TBC1D32: variants seen among roughly 807,000 people sequenced by gnomAD.
TBC1D32 encodes protein broad-minded.
In TBC1D32, 151 loss-of-function variants were observed where a neutral mutation model predicts 170.3. That is an observed-to-expected ratio of 0.89 (90% CI 0.78 to 1.01). TBC1D32 has a LOEUF of 1.01. Among genes scored for constraint, TBC1D32 ranks in the 50% least tolerant of loss-of-function variants. TBC1D32 has a pLI of 0.00. For missense variants in TBC1D32, 1,464 were observed against 1,457.1 expected (o/e 1.00, Z -0.08); for synonymous variants, 498 against 488.0 (o/e 1.02, Z -0.27).
intron 21 of TBC1D32, among the ~76,000 whole-genome samples, chr6:121,216,903 C>T (rs1188916072): frequency 1.3e-5 from 2 of 152,142 alleles, no homozygotes; most frequent in African/African-American, 4.8e-5. Flanking sequence ...AAGGTGAGGG[C>T]TATTATGTTG....
upstream of TBC1D32, chr6:121,334,484 G>T: frequency 1.3e-6 from 2 of 1,553,612 alleles, no homozygotes; most frequent in Middle Eastern, 1.8e-4. Flanking sequence ...CAAAAGCCGC[G>T]CACTGCGCAC....
intron 22 of TBC1D32, among the ~76,000 whole-genome samples, chr6:121,204,347 AT>A (rs1287208609): frequency 2.0e-5 from 3 of 151,282 alleles, no homozygotes; most frequent in Non-Finnish European, 4.4e-5. Flanking sequence ...CTTTAGAAAA[AT>A]AATTGCTTCC....
At position 121,299,469 on chromosome 6, in the gene TBC1D32, G is replaced by A. The variant is rs1465746575; in HGVS notation, c.1117C>T (p.Leu373Phe). The A allele has an allele frequency of 6.6e-7, 1 of 1,509,270 alleles. No homozygotes were observed. The highest frequency in any genetic ancestry group is 1.4e-5 in the African/African-American group (1 of 73,228). 93.5% of individuals were successfully genotyped at this position (1,509,270 alleles called of 1,614,324 possible). ...HYSRTTVLRL[L>F]ETKYKSLVTT... ...ACCAGAGACTTATATTTCGTTTCAA[G>A]AAGTCTTAATACTGTAGTTCTGCTA... Residue 373 changes from leucine to phenylalanine, a missense_variant, in exon 10 of 32, where the codon CTT (leucine) becomes TTT (phenylalanine). Physicochemically the swap from Leu to Phe is conservative, Grantham distance 22 (BLOSUM62 0). Transcript: ENST00000398212.
chr6:121,320,888 T>A (rs1313361511), intron 2 of TBC1D32, among the ~76,000 whole-genome samples: 1 of 152,118 alleles, frequency 6.6e-6, no homozygotes, highest in Non-Finnish European at 1.5e-5. Context: ...AGTTTTCAAA[T>A]GACATCATGT....
chr6:121,238,088 T>C (rs1445065013), intron 20 of TBC1D32, among the ~76,000 whole-genome samples: 1 of 152,148 alleles, frequency 6.6e-6, no homozygotes, highest in Admixed American at 6.5e-5. Flanking sequence ...ATTAGTCACA[T>C]TTCTGGGCAA....
intron 30 of TBC1D32, among the ~76,000 whole-genome samples, chr6:121,100,487 CT>C (rs1777901998): frequency 6.6e-6 from 1 of 151,892 alleles, no homozygotes; most frequent in African/African-American, 2.4e-5. Context: ...ATACTTAGCT[CT>C]TCTTGTTGAA....
chr6:121,264,167 A>C (rs1800141931), intron 15 of TBC1D32, among the ~76,000 whole-genome samples: 1 of 152,020 alleles, frequency 6.6e-6, no homozygotes, highest in Non-Finnish European at 1.5e-5. Flanking sequence ...TGAAAAAATA[A>C]AATAGACCAC....
intron 2 of TBC1D32, among the ~76,000 whole-genome samples, chr6:121,320,941 T>C (rs964720634): frequency 4.6e-5 from 7 of 151,908 alleles, no homozygotes; most frequent in African/African-American, 1.5e-4. Context: ...GAAAAAAAAA[T>C]TGACAATGGC....
chr6:121,101,746 G>A (rs1167589550), intron 30 of TBC1D32, among the ~76,000 whole-genome samples: 1 of 152,054 alleles, frequency 6.6e-6, no homozygotes, highest in African/African-American at 2.4e-5. Flanking sequence ...AGGGCATTCA[G>A]GCAAGAGAAA....
intron 20 of TBC1D32, among the ~76,000 whole-genome samples, chr6:121,229,426 G>A (rs1454070119): frequency 1.3e-5 from 2 of 151,990 alleles, no homozygotes; most frequent in East Asian, 3.9e-4. Context: ...CACCAGTCTG[G>A]ATTTCAGGAA....
At chr6:121,254,671 C>A (rs1403022030) in intron 17 of TBC1D32, among the ~76,000 whole-genome samples, 1 of 152,078 alleles carries the variant, frequency 6.6e-6, no homozygotes, top group Non-Finnish European at 1.5e-5. Context: ...TCAAATTCCA[C>A]TTCAACATCT....
chr6:121,323,985 A>T (rs1169526199), intron 1 of TBC1D32, among the ~76,000 whole-genome samples: 2 of 152,130 alleles, frequency 1.3e-5, no homozygotes, highest in African/African-American at 4.8e-5. Context: ...TACCATGCTA[A>T]ACTCTGTGCT....
At chr6:121,161,537 T>C (rs1785660564) in intron 22 of TBC1D32, among the ~76,000 whole-genome samples, 1 of 152,240 alleles carries the variant, frequency 6.6e-6, no homozygotes, top group African/African-American at 2.4e-5. Context: ...TGATCCTTTC[T>C]ATAGCTGCAT....
chr6:121,307,133 G>C (rs1807437445), intron 5 of TBC1D32, among the ~76,000 whole-genome samples: 3 of 151,938 alleles, frequency 2.0e-5, no homozygotes, highest in Admixed American at 2.0e-4. Context: ...CCAGCACTTT[G>C]GGAGGCTGAG....
intron 22 of TBC1D32, among the ~76,000 whole-genome samples, chr6:121,181,270 C>T (rs1036619219): frequency 2.0e-5 from 3 of 152,016 alleles, no homozygotes; most frequent in African/African-American, 7.2e-5. Flanking sequence ...TTGTAATCCC[C>T]ATTTTTGGAG....
chr6:121,258,922 CTAACATT>C (rs1799400169), intron 15 of TBC1D32, among the ~76,000 whole-genome samples: 2 of 151,480 alleles, frequency 1.3e-5, no homozygotes, highest in South Asian at 4.2e-4. Context: ...AGAAGAAAAT[CTAACATT>C]TTATGCCTTA....
chr6:121,220,197 C>A (rs74741315), intron 21 of TBC1D32, among the ~76,000 whole-genome samples: 2,877 of 152,282 alleles, frequency 0.019, 102 homozygotes, highest in African/African-American at 0.066. Flanking sequence ...ATGTCAAAAA[C>A]TGAGACAGGC....
chr6:121,128,089 A>G (rs1781041336), intron 25 of TBC1D32, among the ~76,000 whole-genome samples: 1 of 152,200 alleles, frequency 6.6e-6, no homozygotes, highest in African/African-American at 2.4e-5. Flanking sequence ...TGATATTCAA[A>G]TATAATGTTA....
intron 23 of TBC1D32, 99 bp downstream of exon 23, chr6:121,160,849 G>C: frequency 1.2e-6 from 1 of 834,270 alleles, no homozygotes; most frequent in Non-Finnish European, 2.1e-6. Context: ...CTGTGATGTA[G>C]ACATTTAAGA....
Sources: allele counts gnomAD v4.1 joint callset (sites outside exome capture counted in the v4.1 genomes callset), GRCh38; gene constraint gnomAD v4.1.1; transcripts MANE v1.5; gene names NCBI Gene and HGNC (gene_info 2026-07-23, HGNC 2026-07-21).